Variants in TMPRSS15 observed in about 807,000 individuals in gnomAD.
TMPRSS15 encodes the protein transmembrane serine protease 15.
In TMPRSS15, 128 loss-of-function variants were observed where a neutral mutation model predicts 125.3. The ratio of observed to expected loss-of-function variants is 1.02; its 90% CI spans 0.89 to 1.18. The LOEUF is 1.18. TMPRSS15 is among the 50% of genes most tolerant of loss of function. The pLI, the probability that TMPRSS15 is intolerant of heterozygous loss-of-function variation, is 0.00. For missense variants in TMPRSS15, 1,283 were observed against 1,212.7 expected, an observed-to-expected ratio of 1.06 and a Z score of -0.86; for synonymous variants, 446 against 423.2, an observed-to-expected ratio of 1.05 and a Z score of -0.66.
intron 8 of TMPRSS15, among the ~76,000 whole-genome samples, chr21:18,358,702 A>G (rs1301354328): frequency 1.3e-5 from 2 of 152,012 alleles, no homozygotes; most frequent in African/African-American, 2.4e-5. Flanking sequence ...AATTTAATAT[A>G]TTATACCTCA....
chr21:18,421,007 T>C (rs1001888581), intron 1 of TMPRSS15, among the ~76,000 whole-genome samples: 1 of 152,200 alleles, frequency 6.6e-6, no homozygotes, highest in Non-Finnish European at 1.5e-5. Flanking sequence ...AGGTGACTTA[T>C]ATGTACACTA....
At chr21:18,450,026 C>T (rs2076264375) in intron 1 of TMPRSS15, among the ~76,000 whole-genome samples, 1 of 152,110 alleles carries the variant, frequency 6.6e-6, no homozygotes, top group South Asian at 2.1e-4. Flanking sequence ...CTTCAAGTTT[C>T]CATCCCTTGG....
chr21:18,428,643 G>T (rs1275641745), intron 1 of TMPRSS15, among the ~76,000 whole-genome samples: 1 of 152,184 alleles, frequency 6.6e-6, no homozygotes, highest in East Asian at 1.9e-4. Flanking sequence ...AGCCTTTTCA[G>T]CTTCCACATG....
At chr21:18,345,740 C>CAAAAAAAAAAAAAAAAAAAAAAAAA (rs1235619873) in intron 10 of TMPRSS15, among the ~76,000 whole-genome samples, 2 of 15,562 alleles carry the variant, frequency 1.3e-4, no homozygotes, top group African/African-American at 3.2e-4. Context: ...GACTCCGTCT[C>CAAAAAAAAAAAAAAAAAAAAAAAAA]AAAAAAAAAA....
intron 10 of TMPRSS15, among the ~76,000 whole-genome samples, chr21:18,352,526 T>A (rs2075580165): frequency 6.6e-6 from 1 of 152,008 alleles, no homozygotes; most frequent in African/African-American, 2.4e-5. Flanking sequence ...TTTCTGTGCA[T>A]TAGCAATGTA....
intron 3 of TMPRSS15, among the ~76,000 whole-genome samples, chr21:18,393,893 G>C (rs2076010770): frequency 6.6e-6 from 1 of 152,148 alleles, no homozygotes; most frequent in Non-Finnish European, 1.5e-5. Context: ...ATGTCTTAAT[G>C]ATAGTGGTTG....
At chr21:18,414,469 A>G (rs2076175417) in intron 1 of TMPRSS15, among the ~76,000 whole-genome samples, 1 of 152,216 alleles carries the variant, frequency 6.6e-6, no homozygotes, top group Non-Finnish European at 1.5e-5. Flanking sequence ...TAACCAGTTT[A>G]TCTTGCATAA....
At chr21:18,409,006 T>C (rs2076159246) in intron 1 of TMPRSS15, among the ~76,000 whole-genome samples, 1 of 152,108 alleles carries the variant, frequency 6.6e-6, no homozygotes, top group Admixed American at 6.6e-5. Context: ...AAGAAGTGTG[T>C]TTAGAAGAGC....
intron 16 of TMPRSS15, among the ~76,000 whole-genome samples, chr21:18,318,146 AC>A (rs1569004436): frequency 6.6e-6 from 1 of 152,210 alleles, no homozygotes; most frequent in Non-Finnish European, 1.5e-5. Flanking sequence ...GGCAAGGTGG[AC>A]ACTGGAAAGA....
At chr21:18,285,325 T>C (rs1429805844) in intron 21 of TMPRSS15, among the ~76,000 whole-genome samples, 2 of 152,196 alleles carry the variant, frequency 1.3e-5, no homozygotes, top group African/African-American at 2.4e-5. Context: ...AGTGGGACTT[T>C]CAATGCAGTA....
chr21:18,413,357 TTCCTTTCC>T (rs2076172194), intron 1 of TMPRSS15, among the ~76,000 whole-genome samples: 3 of 138,144 alleles, frequency 2.2e-5, no homozygotes, highest in Non-Finnish European at 3.2e-5. Flanking sequence ...CCTTCCTTCC[TTCCTTTCC>T]TTCCTTCCTT....
intron 3 of TMPRSS15, among the ~76,000 whole-genome samples, chr21:18,388,028 T>C (rs28660362): frequency 4.3e-4 from 66 of 152,278 alleles, no homozygotes; most frequent in African/African-American, 1.4e-3. Context: ...AAGTGTTTCA[T>C]TGTTACTCTC....
At chr21:18,319,166 T>C (rs963127570) in intron 16 of TMPRSS15, among the ~76,000 whole-genome samples, 1 of 152,196 alleles carries the variant, frequency 6.6e-6, no homozygotes, top group African/African-American at 2.4e-5. Context: ...GGACTTAAAG[T>C]AATATGACCT....
chr21:18,474,008 G>T (rs1317652073), intron 1 of TMPRSS15, among the ~76,000 whole-genome samples: 1 of 152,054 alleles, frequency 6.6e-6, no homozygotes, highest in Admixed American at 6.6e-5. Flanking sequence ...TAGACAGATG[G>T]TATTAAACAA....
chr21:18,280,732 T>A (rs1464133342), intron 22 of TMPRSS15, among the ~76,000 whole-genome samples: 5 of 152,166 alleles, frequency 3.3e-5, no homozygotes, highest in African/African-American at 1.2e-4. Context: ...TTCTTTTACA[T>A]GAAAAATAGA....
Position 18,341,425 on chromosome 21 carries a change from G to T in TMPRSS15, c.1552C>A (p.Pro518Thr), listed in dbSNP as rs775810588. Residue 518 changes from proline to threonine, a missense_variant, in exon 13 of 25, where the codon CCA (proline) becomes ACA (threonine). Transcript: ENST00000284885. The part of the protein sequence containing the change: ...PEPTLVPTPP[P>T]ELPTDCGGPF... ...GAAGGTTACTTACTAGGAAGTTCTGGTGGAGGAGTTGGCACCAAAGTTGGT... is the reference window on the plus strand; with the variant it reads ...GAAGGTTACTTACTAGGAAGTTCTGTTGGAGGAGTTGGCACCAAAGTTGGT... The T allele has an allele frequency of 6.2e-7, 1 of 1,614,136 alleles. No individual in the cohort carries two copies. Among genetic ancestry groups the T allele is most frequent in the South Asian group, 1.1e-5 (1 of 91,082 alleles).
At chr21:18,315,831 C>T (rs980504914) in intron 16 of TMPRSS15, among the ~76,000 whole-genome samples, 1 of 144,864 alleles carries the variant, frequency 6.9e-6, no homozygotes. Flanking sequence ...TACCCTAGAA[C>T]TTAAAGTATA....
intron 7 of TMPRSS15, among the ~76,000 whole-genome samples, chr21:18,361,550 T>C (rs1380420600): frequency 3.9e-5 from 6 of 152,134 alleles, no homozygotes; most frequent in Non-Finnish European, 5.9e-5. Context: ...CATGGCAAGA[T>C]TGGCTTTTAG....
At chr21:18,385,829 C>T (rs1299011677) in intron 3 of TMPRSS15, among the ~76,000 whole-genome samples, 9 of 151,988 alleles carry the variant, frequency 5.9e-5, no homozygotes, top group African/African-American at 1.7e-4. Context: ...CTGCAACCTT[C>T]GCCTCCCGGG....
Sources: allele counts gnomAD v4.1 joint callset (sites outside exome capture counted in the v4.1 genomes callset), GRCh38; gene constraint gnomAD v4.1.1; transcripts MANE v1.5; gene names NCBI Gene and HGNC (gene_info 2026-07-23, HGNC 2026-07-21).